Variants in SAMMSON observed in about 807,000 individuals in gnomAD.
SAMMSON encodes survival associated mitochondrial melanoma specific oncogenic non-coding RNA.
rs577150591 is a variant in SAMMSON at position 70,032,635 on chromosome 3, G to C, written n.417+18963G>C. ...CTTTTATCTGTGTTCAAAACATGTG[G>C]AGTTTGATGGTTAGTACCATGGAAT... On this transcript the variant is annotated intron_variant and non_coding_transcript_variant, in intron 3 of 9. Coordinates refer to ENST00000642114, the Ensembl canonical transcript of SAMMSON. Among the ~76,000 whole-genome samples, 16 of 152,290 alleles carry C rather than the reference G, an allele frequency of 1.1e-4. No homozygotes were observed. The East Asian group carries it at 2.9e-3, about 28-fold the overall frequency.
chr3:70,355,934 A>G (rs1702826372), intron 8 of SAMMSON, among the ~76,000 whole-genome samples: 1 of 152,208 alleles, frequency 6.6e-6, no homozygotes, highest in Admixed American at 6.5e-5. Flanking sequence ...TCTAAAAAAA[A>G]GCTCATCAGA....
chr3:70,408,762 A>T (rs1169189069), intron 2 of SAMMSON, among the ~76,000 whole-genome samples: 2 of 152,120 alleles, frequency 1.3e-5, no homozygotes, highest in Non-Finnish European at 2.9e-5. Context: ...CCAGTTCCAA[A>T]GTCGCTTCCA....
rs963612587 is a variant in SAMMSON, at chr3:70,139,372, A to C, written n.507+67807A>C. 5.3e-5 allele frequency among the ~76,000 whole-genome samples: 8 copies of C among 152,228 alleles called. No individual in the cohort carries two copies. In the East Asian group the frequency reaches 1.6e-3, roughly 30 times the overall value. The stretch of plus-strand genomic sequence containing the variant: ...TCTTGAGAATAATTTTCTTTGGCTT[A>C]TCCAGACCCACTGGGACAGTGGTCC... On this transcript the variant is annotated intron_variant and non_coding_transcript_variant, in intron 4 of 9. Coordinates refer to ENST00000642114, the Ensembl canonical transcript of SAMMSON.
At chr3:70,060,414 T>C (rs2067183169) in intron 3 of SAMMSON, among the ~76,000 whole-genome samples, 2 of 152,054 alleles carry the variant, frequency 1.3e-5, no homozygotes, top group Non-Finnish European at 2.9e-5. Flanking sequence ...TATGAAAAAG[T>C]CAAAAGATGC....
intron 4 of SAMMSON, among the ~76,000 whole-genome samples, chr3:70,212,209 C>A (rs12487842): frequency 0.45 from 68,042 of 151,958 alleles, 15,503 homozygotes; most frequent in East Asian, 0.71. Context: ...TTCAGAGAAG[C>A]ACAACAAATG....
chr3:70,160,734 A>G (rs570231759), intron 4 of SAMMSON, among the ~76,000 whole-genome samples: 8 of 152,156 alleles, frequency 5.3e-5, no homozygotes, highest in African/African-American at 1.9e-4. Flanking sequence ...CAACAAGGAA[A>G]AGCCTGATGA....
intron 2 of SAMMSON, among the ~76,000 whole-genome samples, chr3:70,395,135 T>C (rs1701080817): frequency 6.6e-6 from 1 of 152,142 alleles, no homozygotes; most frequent in Admixed American, 6.6e-5. Context: ...GAAACATACC[T>C]TTTTTCAGGC....
chr3:70,304,824 A>G (rs1183440255), intron 7 of SAMMSON, among the ~76,000 whole-genome samples: 1 of 152,178 alleles, frequency 6.6e-6, no homozygotes, highest in Non-Finnish European at 1.5e-5. Context: ...AAAAATATCC[A>G]GATTCCCAAC....
intron 9 of SAMMSON, among the ~76,000 whole-genome samples, chr3:70,362,177 G>T (rs1036608663): frequency 6.6e-5 from 10 of 152,140 alleles, no homozygotes; most frequent in Non-Finnish European, 1.3e-4. Flanking sequence ...CATTTGGATT[G>T]ACTCTCGGAT....
At chr3:70,361,825 G>A (rs944754541) in intron 9 of SAMMSON, among the ~76,000 whole-genome samples, 11 of 152,242 alleles carry the variant, frequency 7.2e-5, no homozygotes, top group African/African-American at 1.9e-4. Context: ...CATTTTCACC[G>A]CAAGTGAAGA....
intron 6 of SAMMSON, among the ~76,000 whole-genome samples, chr3:70,284,766 A>G: frequency 6.6e-6 from 1 of 152,194 alleles, no homozygotes; most frequent in Non-Finnish European, 1.5e-5. Context: ...GTAGGAGGAG[A>G]CAGAGGATCA....
At chr3:70,172,061 G>T (rs1700961810) in intron 4 of SAMMSON, among the ~76,000 whole-genome samples, 3 of 151,864 alleles carry the variant, frequency 2.0e-5, no homozygotes, top group African/African-American at 7.2e-5. Context: ...AAACAACAAT[G>T]ATTTAATCTA....
At chr3:70,315,192 C>T (rs931837796) in intron 7 of SAMMSON, among the ~76,000 whole-genome samples, 1 of 152,066 alleles carries the variant, frequency 6.6e-6, no homozygotes, top group African/African-American at 2.4e-5. Flanking sequence ...TTCAATTTGG[C>T]TGATGTATTT....
At position 70,413,630 on chromosome 3, in the gene SAMMSON, G is replaced by A. The variant is rs183953319; in HGVS notation, n.234-48930G>A. 3.3e-5 allele frequency among the ~76,000 whole-genome samples: 5 copies of A among 152,218 alleles called. No homozygotes were observed. The East Asian group carries it at 9.6e-4, about 29-fold the overall frequency. On this transcript the variant is annotated intron_variant and non_coding_transcript_variant, in intron 2 of 3. Coordinates refer to the SAMMSON transcript ENST00000641053. ...ATATTTGTCCTCAAGACATTGCTGA[G>A]ACAAAAGAGACCCAAATACTTCTTA...
intron 2 of SAMMSON, among the ~76,000 whole-genome samples, chr3:70,419,971 T>G (rs1264204297): frequency 1.3e-5 from 2 of 152,208 alleles, no homozygotes; most frequent in Non-Finnish European, 2.9e-5. Context: ...TTTGTCTTGG[T>G]TAATTGACAT....
intron 9 of SAMMSON, among the ~76,000 whole-genome samples, chr3:70,367,147 G>C (rs1360384563): frequency 1.3e-5 from 2 of 151,508 alleles, no homozygotes. Flanking sequence ...ACCTCAAACA[G>C]TTATCATTTA....
At chr3:70,346,007 T>C (rs1331097722) in intron 7 of SAMMSON, among the ~76,000 whole-genome samples, 4 of 152,158 alleles carry the variant, frequency 2.6e-5, no homozygotes, top group South Asian at 4.1e-4. Flanking sequence ...AGGAGCACAA[T>C]TGCTGGATCA....
intron 4 of SAMMSON, among the ~76,000 whole-genome samples, chr3:70,128,489 T>C (rs1389958872): frequency 6.6e-6 from 1 of 152,218 alleles, no homozygotes; most frequent in East Asian, 1.9e-4. Flanking sequence ...TTAAACCATT[T>C]CATATTTTAA....
At chr3:70,228,566 T>C (rs1701529822) in intron 4 of SAMMSON, among the ~76,000 whole-genome samples, 1 of 152,046 alleles carries the variant, frequency 6.6e-6, no homozygotes, top group African/African-American at 2.4e-5. Context: ...CTAGATTAAG[T>C]AAATGAAAGG....
Sources: allele counts gnomAD v4.1 joint callset (sites outside exome capture counted in the v4.1 genomes callset), GRCh38; gene constraint gnomAD v4.1.1; transcripts MANE v1.5; gene names NCBI Gene and HGNC (gene_info 2026-07-23, HGNC 2026-07-21).